Variants in BCL3 observed in about 807,000 individuals in gnomAD.
BCL3 encodes the protein BCL3 transcription coactivator.
In BCL3, 15 loss-of-function variants were observed where a neutral mutation model predicts 35.7. The observed-to-expected ratio is 0.42, with a 90% CI of 0.28 to 0.65. The LOEUF (loss-of-function observed/expected upper bound fraction) is 0.65, where lower values mean the gene tolerates loss of function less well. BCL3 is among the 30% of genes least tolerant of loss of function. The pLI is 0.22. For synonymous variants in BCL3, 311 were observed against 284.3 expected, an observed-to-expected ratio of 1.09 and a Z score of -0.95; for missense variants, 565 against 641.7, an observed-to-expected ratio of 0.88 and a Z score of 1.29.
At chr19:44,750,933 T>C (rs1158807610) in intron 1 of BCL3, among the ~76,000 whole-genome samples, 3 of 152,160 alleles carry the variant, frequency 2.0e-5, no homozygotes, top group African/African-American at 7.2e-5. Flanking sequence ...TGCTAGGTGA[T>C]GATGGGTGCA....
Position 44,751,339 on chromosome 19 carries a change from T to C in BCL3, c.369T>C (p.Ala123=). ...MMCPMEHPLS[A]DIAMATRADE... ...GCCCCATGGAACACCCCCTTTCTGC[T>C]GACATCGCCATGGCCACCCGTGCAG... Residue 123 remains alanine (A), a synonymous_variant, in exon 2 of 9, where the codon GCT becomes GCC. Transcript: ENST00000164227. 3.7e-6 allele frequency: 6 copies of C among 1,602,942 alleles called. No individual in the cohort carries two copies. Among genetic ancestry groups the C allele is most frequent in the Non-Finnish European group, 5.1e-6 (6 of 1,176,392 alleles).
intron 3 of BCL3, among the ~76,000 whole-genome samples, 198 bp downstream of exon 3, chr19:44,756,538 G>A (rs866228074): frequency 7.2e-6 from 1 of 138,518 alleles, no homozygotes; most frequent in African/African-American, 3.1e-5. Context: ...GGGTCTGATG[G>A]AGGAGGGCTG....
At chr19:44,756,201 G>A (rs961120980) in intron 2 of BCL3, 31 bp from the exon 3 acceptor site, 2 of 1,396,252 alleles carry the variant, frequency 1.4e-6, no homozygotes, top group South Asian at 3.3e-5. Flanking sequence ...AACCCCTAAT[G>A]CCTGTGATTC....
At position 44,757,211 on chromosome 19, in the gene BCL3, C is replaced by G. The variant is rs1042411700; in HGVS notation, c.714C>G (p.Arg238=). ...AAPGTLDLEA[R]NYDGLTALHV... ...CGGGCACGTTGGACCTGGAGGCCCG[C>G]AATTATGACGGTAAGCATTTACCGC... The change falls in exon 4 of 9, where the codon CGC becomes CGG. Residue 238 remains arginine, a synonymous_variant. Coordinates refer to ENST00000164227, the MANE Select transcript of BCL3 (RefSeq NM_005178.5). The surrounding 1 kb of genome is among the most constrained non-coding windows in gnomAD (Gnocchi z 8.4). The G allele has an allele frequency of 6.4e-7, 1 of 1,553,882 alleles. No individual in the cohort carries two copies. The highest frequency in any genetic ancestry group is 8.7e-7 in the Non-Finnish European group (1 of 1,145,214).
intron 2 of BCL3, among the ~76,000 whole-genome samples, chr19:44,753,996 T>C (rs116480598): frequency 0.027 from 4,123 of 152,194 alleles, 81 homozygotes; most frequent in African/African-American, 0.042. Flanking sequence ...TGTTCAAAAC[T>C]TAAGAATTTC....
chr19:44,757,892 C>A lies in BCL3; in HGVS notation c.891+169C>A, dbSNP rs970602786. On this transcript the variant is annotated intron_variant, in intron 6 of 8. Coordinates refer to ENST00000164227, the MANE Select transcript of BCL3 (RefSeq NM_005178.5). The surrounding 1 kb of genome is among the most constrained non-coding windows in gnomAD (Gnocchi z 8.4). ...GTTTTCTCGACCCTCGGGCTCCACG[C>A]CCCTGGCTACGAACTTGTCCCATTC... 6.6e-6 allele frequency among the ~76,000 whole-genome samples: 1 copy of A among 152,200 alleles called. No individual in the cohort carries two copies. Among genetic ancestry groups the A allele is most frequent in the Non-Finnish European group, 1.5e-5 (1 of 68,030 alleles).
rs1317738537 is a variant in BCL3 at position 44,748,805 on chromosome 19, C to G, written c.15C>G (p.Pro5=). 5 of 1,108,474 alleles carry G rather than the reference C, an allele frequency of 4.5e-6. No individual in the cohort carries two copies. The highest frequency in any genetic ancestry group is 5.5e-6 in the Non-Finnish European group (5 of 909,628). The allele number at this position is 1,108,474 out of a possible 1,614,324, so 68.7% of individuals were successfully genotyped here. MPRC[P]AGAMDEGPVD... ...CCGGCGGCCCCATGCCCCGATGCCC[C>G]GCGGGGGCCATGGACGAGGGGCCCG... Residue 5 remains proline, a synonymous_variant, in exon 1 of 9, where the codon CCC becomes CCG. Transcript: ENST00000164227.
chr19:44,748,753 A>T lies in BCL3; in HGVS notation c.-38A>T, dbSNP rs1967116238. The T allele has an allele frequency of 1.8e-6, 2 of 1,086,836 alleles. No individual in the cohort carries two copies. The highest frequency in any genetic ancestry group is 5.3e-5 in the East Asian group (1 of 18,950). The allele number at this position is 1,086,836 out of a possible 1,614,324, so 67.3% of individuals were successfully genotyped here. Reference sequence around the variant, plus strand: ...GCGAAACCACCCTCCCGTGCAGCCGAGCCCAGCCGCTCTCCGGCCGCCGTC... The same window carrying T: ...GCGAAACCACCCTCCCGTGCAGCCGTGCCCAGCCGCTCTCCGGCCGCCGTC... On this transcript the variant is annotated 5_prime_UTR_variant, in exon 1 of 9. Transcript: ENST00000164227.
In BCL3 at chr19:44,754,338, T is replaced by TAC. The variant is rs544259351; in HGVS notation, c.411-1883_411-1882dup. On this transcript the variant is annotated intron_variant, in intron 2 of 8. Transcript: ENST00000164227. The stretch of plus-strand genomic sequence containing the variant: ...AGGACTCGGGATTATGCGCCCCCCC[T>TAC]ACACACACACACCTCAAGGGAGCTA... Among the ~76,000 whole-genome samples, 735 of 152,006 alleles carry TAC rather than the reference T, an allele frequency of 4.8e-3. 8 individuals are homozygous for TAC. Among genetic ancestry groups the TAC allele is most frequent in the African/African-American group, 0.017 (690 of 41,434 alleles).
At chr19:44,759,352 A>AGCCCCTCCTCCCTCAGACCCG in intron 8 of BCL3, 76 bp from the exon 9 acceptor site, 1 of 621,424 alleles carries the variant, frequency 1.6e-6, no homozygotes, top group Non-Finnish European at 2.2e-6. Context: ...CCTCAGACCC[A>AGCCCCTCCTCCCTCAGACCCG]GATCTCAGGC....
At chr19:44,748,260 C>T (rs1473740344), upstream of BCL3, 2 of 403,442 alleles carry the variant, frequency 5.0e-6, no homozygotes, top group Non-Finnish European at 4.5e-6. Context: ...GAGACAGAGA[C>T]GGAACAGAGC....
intron 8 of BCL3, among the ~76,000 whole-genome samples, chr19:44,759,088 AC>A (rs1568547365): frequency 2.4e-5 from 1 of 41,526 alleles, no homozygotes; most frequent in East Asian, 7.2e-4. Flanking sequence ...CCTCCCTCAT[AC>A]CCCCAGCCCC....
chr19:44,757,654 G>A lies in BCL3; in HGVS notation c.822G>A (p.Lys274=). Residue 274 remains lysine, a synonymous_variant, in exon 6 of 9, where the codon AAG becomes AAA. Coordinates refer to ENST00000164227, the MANE Select transcript of BCL3 (RefSeq NM_005178.5). This position sits in a 1 kb window ranked among gnomAD's most constrained non-coding sequence, Gnocchi z 8.4. The part of the protein sequence containing the change: ...RGADIDAVDI[K]SGRSPLIHAV... The stretch of plus-strand genomic sequence containing the variant: ...TTCCCTCCCCGCCGCAGGACATTAA[G>A]AGCGGCCGCTCCCCGCTCATCCACG... 1 of 1,613,832 alleles carries A rather than the reference G, an allele frequency of 6.2e-7. No homozygotes were observed. Among genetic ancestry groups the A allele is most frequent in the African/African-American group, 1.3e-5 (1 of 74,976 alleles).
chr19:44,756,039 G>A (rs2122297863), intron 2 of BCL3, 193 bp from the exon 3 acceptor site: 1 of 397,294 alleles, frequency 2.5e-6, no homozygotes, highest in South Asian at 7.8e-5. Flanking sequence ...CCAGCAGGGA[G>A]CCAGTGGTGG....
At position 44,757,514 on chromosome 19, in the gene BCL3, G is replaced by T; in HGVS notation, c.813+99G>T. On this transcript the variant is annotated intron_variant, in intron 5 of 8. Transcript: ENST00000164227. This position sits in a 1 kb window ranked among gnomAD's most constrained non-coding sequence, Gnocchi z 8.4. ...GTGGGGCTGGCGTGGGAGAGCACCCGGGTGGGGTGGGGCTTGGAGTATCAG... is the reference window on the plus strand; with the variant it reads ...GTGGGGCTGGCGTGGGAGAGCACCCTGGTGGGGTGGGGCTTGGAGTATCAG... The T allele has an allele frequency of 1.3e-6, 2 of 1,483,764 alleles. No individual in the cohort carries two copies. Among genetic ancestry groups the T allele is most frequent in the South Asian group, 1.2e-5 (1 of 83,012 alleles). 91.9% of individuals were successfully genotyped at this position (1,483,764 alleles called of 1,614,324 possible). A position where few individuals can be genotyped will look rare whatever the true frequency, so the allele number is the denominator to read the frequency against.
upstream of BCL3, chr19:44,748,586 G>C (rs1967111361): frequency 2.1e-6 from 1 of 476,130 alleles, no homozygotes; most frequent in Non-Finnish European, 2.8e-6. Flanking sequence ...AGAGCGGCGG[G>C]AGCAGCGGCG....
chr19:44,758,108 T>C, intron 6 of BCL3, 138 bp from the exon 7 acceptor site: 2 of 925,356 alleles, frequency 2.2e-6, no homozygotes, highest in Non-Finnish European at 3.0e-6. Context: ...TGCCCTTGGC[T>C]CTCGCTCCTA....
intron 1 of BCL3, among the ~76,000 whole-genome samples, chr19:44,750,351 T>G (rs1967153799): frequency 6.8e-6 from 1 of 146,350 alleles, no homozygotes; most frequent in Non-Finnish European, 1.5e-5. Context: ...CAGGCTGGAG[T>G]GCATTGGCGT....
intron 2 of BCL3, among the ~76,000 whole-genome samples, chr19:44,752,540 G>A (rs1405706108): frequency 1.3e-5 from 2 of 151,610 alleles, no homozygotes; most frequent in African/African-American, 2.4e-5. Context: ...TATTCTAGTC[G>A]ACTTCATTGT....
Sources: gnomAD v4.1 joint callset for allele counts (sites outside exome capture counted in the v4.1 genomes callset) on GRCh38, gnomAD v4.1.1 for gene constraint, Gnocchi (gnomAD v3.1) non-coding constraint, MANE v1.5 for transcripts, NCBI Gene and HGNC (gene_info 2026-07-23, HGNC 2026-07-21) for gene names.